Variants in MYO3B observed in about 807,000 individuals in gnomAD.
MYO3B encodes myosin IIIB.
In MYO3B, 156 loss-of-function variants were observed where a neutral mutation model predicts 174.6. That is an observed-to-expected ratio of 0.89 (90% CI 0.78 to 1.02). The LOEUF is 1.02. Among genes scored for constraint, MYO3B ranks in the 50% least tolerant of loss-of-function variants. The probability of loss-of-function intolerance (pLI) is 0.00; values close to 1 mark genes in which losing one functional copy is unlikely to be tolerated. For synonymous variants in MYO3B, 563 were observed against 569.1 expected (o/e 0.99, Z 0.15); for missense variants, 1,632 against 1,639.4 (o/e 1.00, Z 0.08).
At chr2:170,504,495 A>C (rs1053586190) in intron 28 of MYO3B, among the ~76,000 whole-genome samples, 2 of 152,190 alleles carry the variant, frequency 1.3e-5, no homozygotes, top group African/African-American at 4.8e-5. Flanking sequence ...TTCCTTTCAG[A>C]ATTCCCGATC....
chr2:170,330,907 A>G (rs1345027402), intron 7 of MYO3B, among the ~76,000 whole-genome samples: 1 of 152,234 alleles, frequency 6.6e-6, no homozygotes, highest in East Asian at 1.9e-4. Flanking sequence ...TTTGAAGACC[A>G]AGTCATATTT....
chr2:170,641,908 A>G (rs1698000623), intron 32 of MYO3B, among the ~76,000 whole-genome samples: 1 of 150,214 alleles, frequency 6.7e-6, no homozygotes. Context: ...TAAATGAATG[A>G]ATGAATTTTT....
intron 25 of MYO3B, among the ~76,000 whole-genome samples, chr2:170,472,012 C>T (rs191052215): frequency 1.3e-5 from 2 of 151,296 alleles, no homozygotes; most frequent in East Asian, 3.9e-4. Flanking sequence ...AAAAAACTCA[C>T]TTGACCAACT....
At chr2:170,351,645 A>T (rs2094071306) in intron 8 of MYO3B, among the ~76,000 whole-genome samples, 1 of 152,090 alleles carries the variant, frequency 6.6e-6, no homozygotes, top group Non-Finnish European at 1.5e-5. Flanking sequence ...AGTGAGAGGG[A>T]GAGAGAAAAC....
At chr2:170,514,883 G>T in intron 28 of MYO3B, 38 bp from the exon 29 acceptor site, 1 of 1,575,564 alleles carries the variant, frequency 6.3e-7, no homozygotes, top group Non-Finnish European at 8.7e-7. Flanking sequence ...AGGTGTGGGA[G>T]CATAACCTTG....
intron 23 of MYO3B, among the ~76,000 whole-genome samples, chr2:170,459,454 T>C (rs943060229): frequency 1.1e-4 from 16 of 152,200 alleles, no homozygotes; most frequent in African/African-American, 2.9e-4. Flanking sequence ...AGAGCACTGA[T>C]AGGTGCATTT....
intron 8 of MYO3B, among the ~76,000 whole-genome samples, chr2:170,364,323 A>G (rs2094182971): frequency 6.6e-6 from 1 of 152,208 alleles, no homozygotes; most frequent in South Asian, 2.1e-4. Context: ...AACCTTTAAT[A>G]GGCTTGTGTG....
chr2:170,575,633 C>T (rs1692738992), intron 32 of MYO3B, among the ~76,000 whole-genome samples: 1 of 152,054 alleles, frequency 6.6e-6, no homozygotes, highest in South Asian at 2.1e-4. Context: ...AGATATGGGC[C>T]AATGGTCATA....
intron 32 of MYO3B, among the ~76,000 whole-genome samples, chr2:170,569,980 T>C (rs527346116): frequency 1.3e-5 from 2 of 152,272 alleles, no homozygotes; most frequent in African/African-American, 4.8e-5. Flanking sequence ...CCTGGCTCTT[T>C]TAAAAAGCTC....
In MYO3B at chr2:170,327,124, C is replaced by T. The variant is rs150309427; in HGVS notation, c.750-8261C>T. 7.5e-3 allele frequency among the ~76,000 whole-genome samples: 1,138 copies of T among 152,294 alleles called. 15 individuals are homozygous for T. The highest frequency in any genetic ancestry group is 0.025 in the African/African-American group (1,034 of 41,564). ...CAACAAGGCTGGGTGTGGTGGCTCA[C>T]GCCTGTAATCCCAGCACTTTGGGAG... is the stretch of plus-strand genomic sequence containing the variant. On this transcript the variant is annotated intron_variant, in intron 7 of 34. Coordinates refer to ENST00000408978, the MANE Select transcript of MYO3B (RefSeq NM_138995.5).
intron 32 of MYO3B, among the ~76,000 whole-genome samples, chr2:170,567,756 C>T (rs1440994306): frequency 6.6e-6 from 1 of 152,176 alleles, no homozygotes; most frequent in Non-Finnish European, 1.5e-5. Context: ...GACATGACTC[C>T]AGGTGTTTGG....
intron 12 of MYO3B, chr2:170,384,028 A>G: frequency 2.0e-6 from 1 of 505,914 alleles, no homozygotes; most frequent in East Asian, 3.1e-5. Flanking sequence ...AACATAAAAC[A>G]GTCACATGAG....
intron 3 of MYO3B, among the ~76,000 whole-genome samples, chr2:170,208,056 A>G (rs1182327952): frequency 6.6e-6 from 1 of 152,206 alleles, no homozygotes; most frequent in East Asian, 1.9e-4. Context: ...TGCCACGGGT[A>G]GTATCATGAC....
At chr2:170,646,150 A>G (rs1227597630) in intron 32 of MYO3B, among the ~76,000 whole-genome samples, 1 of 152,000 alleles carries the variant, frequency 6.6e-6, no homozygotes, top group Non-Finnish European at 1.5e-5. Context: ...ACATGCCTGT[A>G]ATCCCAGCTA....
chr2:170,318,928 A>G (rs1426460446), intron 7 of MYO3B, among the ~76,000 whole-genome samples: 2 of 152,174 alleles, frequency 1.3e-5, no homozygotes, highest in Non-Finnish European at 2.9e-5. Context: ...AAATATACCT[A>G]TGGAACAAGC....
chr2:170,569,525 T>TG (rs1280887523), intron 32 of MYO3B, among the ~76,000 whole-genome samples: 1 of 151,662 alleles, frequency 6.6e-6, no homozygotes, highest in Non-Finnish European at 1.5e-5. Flanking sequence ...TGAGTTTTTT[T>TG]TTTTTTTTTT....
intron 7 of MYO3B, among the ~76,000 whole-genome samples, chr2:170,261,983 G>C (rs748750355): frequency 6.6e-6 from 1 of 152,238 alleles, no homozygotes; most frequent in African/African-American, 2.4e-5. Context: ...GGGAGATGTA[G>C]TGATCAGTCA....
intron 33 of MYO3B, among the ~76,000 whole-genome samples, 185 bp downstream of exon 33, chr2:170,651,919 A>G (rs1374136746): frequency 7.0e-6 from 1 of 142,646 alleles, no homozygotes; most frequent in Non-Finnish European, 1.5e-5. Context: ...TGAATAATTG[A>G]TGTGGTTTAT....
chr2:170,478,547 AC>A (rs1362072995), intron 25 of MYO3B, among the ~76,000 whole-genome samples: 1 of 138,334 alleles, frequency 7.2e-6, no homozygotes, highest in Non-Finnish European at 1.5e-5. Flanking sequence ...ACACACACAC[AC>A]ACACACACAC....
Sources: gnomAD v4.1 joint callset for allele counts (sites outside exome capture counted in the v4.1 genomes callset) on GRCh38, gnomAD v4.1.1 for gene constraint, MANE v1.5 for transcripts, NCBI Gene and HGNC (gene_info 2026-07-23, HGNC 2026-07-21) for gene names.